Variants in MEI1 observed in about 807,000 individuals in gnomAD.
MEI1 encodes meiosis inhibitor protein 1.
Under a neutral mutation model 146.2 loss-of-function variants are expected in MEI1, and 103 were observed. That is an observed-to-expected ratio of 0.70 (90% CI 0.60 to 0.83). The LOEUF (loss-of-function observed/expected upper bound fraction) is 0.83. Among genes scored for constraint, MEI1 ranks in the 40% least tolerant of loss-of-function variants. The pLI is 0.00. For missense variants in MEI1, 1,529 were observed against 1,533.0 expected, an observed-to-expected ratio of 1.00 and a Z score of 0.04; for synonymous variants, 652 against 628.2, an observed-to-expected ratio of 1.04 and a Z score of -0.57.
intron 11 of MEI1, among the ~76,000 whole-genome samples, chr22:41,735,340 TC>T (rs1331080193): frequency 6.7e-6 from 1 of 149,952 alleles, no homozygotes; most frequent in African/African-American, 2.5e-5. Context: ...CAAGTGATTC[TC>T]CTCCTGCCAC....
intron 7 of MEI1, 81 bp from the exon 8 acceptor site, chr22:41,729,584 A>G (rs549966107): frequency 1.2e-6 from 1 of 804,612 alleles, no homozygotes; most frequent in South Asian, 1.5e-5. Context: ...GAATTAGGCT[A>G]TTGCCCTGAG....
intron 11 of MEI1, among the ~76,000 whole-genome samples, chr22:41,742,534 A>G (rs1275829876): frequency 6.6e-6 from 1 of 152,220 alleles, no homozygotes; most frequent in African/African-American, 2.4e-5. Flanking sequence ...ACATTATCGA[A>G]TTTGATCCCC....
At chr22:41,785,865 A>ATTTTTATTTTTTTATT (rs200537863) in intron 26 of MEI1, among the ~76,000 whole-genome samples, 5 of 142,820 alleles carry the variant, frequency 3.5e-5, no homozygotes, top group Non-Finnish European at 1.5e-5. Flanking sequence ...CACCCGGCCT[A>ATTTTTATTTTTTTATT]TTTTTATTTT....
At chr22:41,724,299 C>G (rs2071121189) in intron 7 of MEI1, among the ~76,000 whole-genome samples, 1 of 152,054 alleles carries the variant, frequency 6.6e-6, no homozygotes, top group Admixed American at 6.6e-5. Context: ...CCAGCTTGGG[C>G]AATATGGCAA....
chr22:41,758,081 A>T (rs980301557), intron 17 of MEI1, among the ~76,000 whole-genome samples: 6 of 152,172 alleles, frequency 3.9e-5, no homozygotes, highest in African/African-American at 1.4e-4. Flanking sequence ...GCACTCCAGC[A>T]TGGGCAACAG....
rs1569316861 is a variant in MEI1 at position 41,781,777 on chromosome 22, G to T, written c.3019G>T (p.Ala1007Ser). 3.1e-6 allele frequency: 5 copies of T among 1,613,982 alleles called. No individual in the cohort carries two copies. The highest frequency in any genetic ancestry group is 4.2e-6 in the Non-Finnish European group (5 of 1,179,886). The change falls in exon 24 of 31, where the codon GCA becomes TCA. Residue 1007 changes from alanine (A) to serine (S), a missense_variant. This residue lies in a region of MEI1 where 313 missense variants were observed against 337.3 expected (regional missense o/e 0.93). Transcript: ENST00000401548. ...TLAKADSPRT[A>S]LLCSAWLLTA... ...GGCAAAGGCAGATTCTCCCAGGACTGCACTCCTCTGCTCTGCCTGGCTGCT... is the reference window on the plus strand; with the variant it reads ...GGCAAAGGCAGATTCTCCCAGGACTTCACTCCTCTGCTCTGCCTGGCTGCT...
chr22:41,763,859 A>G (rs747862830), intron 19 of MEI1, among the ~76,000 whole-genome samples: 4 of 152,180 alleles, frequency 2.6e-5, no homozygotes, highest in Non-Finnish European at 5.9e-5. Flanking sequence ...ACCACAGGAA[A>G]AGAATCAAGC....
At chr22:41,762,549 G>GTTTTTTTTT (rs554541069) in intron 18 of MEI1, among the ~76,000 whole-genome samples, 1 of 128,798 alleles carries the variant, frequency 7.8e-6, no homozygotes, top group Non-Finnish European at 1.6e-5. Context: ...TAATTTAACT[G>GTTTTTTTTT]ATTTTTTTTT....
intron 18 of MEI1, 108 bp from the exon 19 acceptor site, chr22:41,763,066 A>T: frequency 8.3e-7 from 1 of 1,205,988 alleles, no homozygotes; most frequent in South Asian, 1.5e-5. Context: ...GGCTGTGGGC[A>T]TATTGGGGCA....
At chr22:41,797,065 A>G (rs1469106553) in intron 30 of MEI1, among the ~76,000 whole-genome samples, 2 of 152,150 alleles carry the variant, frequency 1.3e-5, no homozygotes, top group Non-Finnish European at 2.9e-5. Context: ...TGGTGTGAAC[A>G]TAGCTCACTG....
chr22:41,728,807 G>A (rs1161011491), intron 7 of MEI1, among the ~76,000 whole-genome samples: 1 of 151,094 alleles, frequency 6.6e-6, no homozygotes, highest in African/African-American at 2.4e-5. Flanking sequence ...GCTGCAGTGA[G>A]TCATGTTCAC....
In MEI1 at chr22:41,732,249, C is replaced by A; in HGVS notation, c.1101C>A (p.Ile367=). The change falls in exon 10 of 31, where the codon ATC becomes ATA. Residue 367 remains isoleucine (I), a synonymous_variant. Coordinates refer to ENST00000401548, the MANE Select transcript of MEI1 (RefSeq NM_152513.4). The part of the protein sequence containing the change: ...FFSKCHTVYG[I]EAVVRSLQGS... ...TGTCATGTCATCCTGTGGTAGGGATCGAGGCAGTGGTGAGGAGCCTGCAGG... is the reference window on the plus strand; with the variant it reads ...TGTCATGTCATCCTGTGGTAGGGATAGAGGCAGTGGTGAGGAGCCTGCAGG... 6.2e-7 allele frequency: 1 copy of A among 1,607,840 alleles called. No homozygotes were observed. Among genetic ancestry groups the A allele is most frequent in the Non-Finnish European group, 8.5e-7 (1 of 1,177,314 alleles).
In MEI1 at chr22:41,799,134, A is replaced by G. The variant is rs536009129; in HGVS notation, c.3780-120A>G. 5.9e-5 allele frequency: 51 copies of G among 861,188 alleles called. No individual in the cohort carries two copies. The East Asian group carries it at 1.3e-3, about 21-fold the overall frequency. 53.3% of individuals were successfully genotyped at this position (861,188 alleles called of 1,614,324 possible). A position where few individuals can be genotyped will look rare whatever the true frequency, so the allele number is the denominator to read the frequency against. Reference sequence around the variant, plus strand: ...ACCCAATTTCAGAATCCATCCCACTATTCTCAGGAGCACTTCTGTTCTTGC... The same window carrying G: ...ACCCAATTTCAGAATCCATCCCACTGTTCTCAGGAGCACTTCTGTTCTTGC... On this transcript the variant is annotated intron_variant, in intron 30 of 30. Transcript: ENST00000401548.
At chr22:41,769,646 A>G (rs2075056685) in intron 19 of MEI1, among the ~76,000 whole-genome samples, 1 of 151,406 alleles carries the variant, frequency 6.6e-6, no homozygotes, top group African/African-American at 2.4e-5. Context: ...CAAATTTTTT[A>G]TTTTTAGTAG....
intron 22 of MEI1, among the ~76,000 whole-genome samples, chr22:41,781,003 G>A (rs1342553078): frequency 2.0e-5 from 3 of 152,244 alleles, no homozygotes; most frequent in Non-Finnish European, 2.9e-5. Flanking sequence ...GTTCCCTTGG[G>A]AAGGTGGTGA....
At chr22:41,752,376 C>T in intron 15 of MEI1, 1 of 555,568 alleles carries the variant, frequency 1.8e-6, no homozygotes, top group Non-Finnish European at 3.3e-6. Flanking sequence ...TCTTACTTAG[C>T]TTTACAACAC....
chr22:41,750,097 A>C (rs2147836263), intron 15 of MEI1, among the ~76,000 whole-genome samples: 1 of 152,338 alleles, frequency 6.6e-6, no homozygotes, highest in Admixed American at 6.5e-5. Flanking sequence ...GATATAGGCT[A>C]GGGCTGGAGA....
At chr22:41,754,436 T>C (rs2073964242) in intron 17 of MEI1, among the ~76,000 whole-genome samples, 1 of 150,834 alleles carries the variant, frequency 6.6e-6, no homozygotes, top group Non-Finnish European at 1.5e-5. Flanking sequence ...CTTTTTCTTT[T>C]TGTTTTTCTT....
intron 7 of MEI1, among the ~76,000 whole-genome samples, chr22:41,725,140 G>A (rs1384190579): frequency 6.6e-6 from 1 of 150,634 alleles, no homozygotes; most frequent in Non-Finnish European, 1.5e-5. Context: ...TTGAGATGTA[G>A]TCTCGCTGTT....
Sources: allele counts gnomAD v4.1 joint callset (sites outside exome capture counted in the v4.1 genomes callset), GRCh38; gene constraint gnomAD v4.1.1; regional missense constraint gnomAD v4.1.1; transcripts MANE v1.5; gene names NCBI Gene and HGNC (gene_info 2026-07-23, HGNC 2026-07-21).